Variants in TTC7A observed in about 807,000 individuals in gnomAD.
TTC7A encodes the protein tetratricopeptide repeat domain 7A, also known as tetratricopeptide repeat protein 7A.
Under a neutral mutation model 103.7 loss-of-function variants are expected in TTC7A, and 110 were observed. The observed-to-expected ratio is 1.06, with a 90% CI of 0.91 to 1.24. TTC7A has a LOEUF of 1.24. Among genes scored for constraint, TTC7A ranks in the 50% most tolerant of loss-of-function variants. The pLI is 0.00. For missense variants in TTC7A, 1,340 were observed against 1,116.3 expected (o/e 1.20, Z -2.86); for synonymous variants, 521 against 467.9 (o/e 1.11, Z -1.47).
At position 47,073,762 on chromosome 2, in the gene TTC7A, G is replaced by C. The variant is rs777208348; in HGVS notation, c.2416G>C (p.Val806Leu). ...SLAQKVLRDA[V>L]ERQSTCHEAW... is the part of the protein sequence containing the mutation. ...GGCCCAGAAGGTGCTTCGTGATGCC[G>C]TGGAGAGGCAGAGTACGTGCCACGA... is the stretch of plus-strand genomic sequence containing the variant. Residue 806 changes from valine (V) to leucine (L), a missense_variant, in exon 20 of 20, where the codon GTG becomes CTG. Physicochemically the swap from Val to Leu is conservative, Grantham distance 32 (BLOSUM62 1). Coordinates refer to ENST00000319190, the MANE Select transcript of TTC7A (RefSeq NM_020458.4). The C allele has an allele frequency of 6.2e-7, 1 of 1,613,876 alleles. No individual in the cohort carries two copies. Among genetic ancestry groups the C allele is most frequent in the Admixed American group, 1.7e-5 (1 of 60,036 alleles).
chr2:46,986,550 G>T (rs1675032944), intron 5 of TTC7A, among the ~76,000 whole-genome samples: 1 of 152,164 alleles, frequency 6.6e-6, no homozygotes, highest in South Asian at 2.1e-4. Context: ...GCTGCCTGGG[G>T]TGGGGTGGAC....
At position 47,056,871 on chromosome 2, in the gene TTC7A, G is replaced by A. The variant is rs145518969; in HGVS notation, c.2153-3898G>A. ...AATGGAGGGGCCCCTTGACGCTGAG[G>A]GTGCAGCAGGGGCACCGTGTGCCCA... On this transcript the variant is annotated intron_variant, in intron 18 of 19. Transcript: ENST00000319190. Among the ~76,000 whole-genome samples, 1,262 of 151,584 alleles carry A rather than the reference G, an allele frequency of 8.3e-3. 22 individuals carry two copies. The highest frequency in any genetic ancestry group is 0.029 in the African/African-American group (1,206 of 41,134).
At chr2:47,037,174 T>A (rs1681207492) in intron 15 of TTC7A, among the ~76,000 whole-genome samples, 1 of 150,546 alleles carries the variant, frequency 6.6e-6, no homozygotes, top group South Asian at 2.1e-4. Flanking sequence ...AACCACTCAT[T>A]TGAGTACCAG....
chr2:47,066,135 C>T (rs918925348), intron 19 of TTC7A: 1 of 152,226 alleles, frequency 6.6e-6, no homozygotes, highest in African/African-American at 2.4e-5. Flanking sequence ...TCCCCAAATG[C>T]CCCTGGAAAG....
At chr2:47,000,284 C>T (rs1165432505) in intron 8 of TTC7A, among the ~76,000 whole-genome samples, 1 of 150,010 alleles carries the variant, frequency 6.7e-6, no homozygotes, top group East Asian at 1.9e-4. Context: ...GCTTCCTGGG[C>T]TTGATTCCAT....
intron 8 of TTC7A, among the ~76,000 whole-genome samples, chr2:46,998,643 T>C (rs1314205981): frequency 6.6e-6 from 1 of 152,224 alleles, no homozygotes; most frequent in African/African-American, 2.4e-5. Flanking sequence ...GAATGCATTA[T>C]GCTGCAGTGA....
intron 2 of TTC7A, 58 bp downstream of exon 2, chr2:46,950,584 C>T: frequency 6.4e-7 from 1 of 1,562,286 alleles, no homozygotes; most frequent in South Asian, 1.1e-5. Flanking sequence ...TGCCTCGCAT[C>T]TGTCCAGTCC....
intron 11 of TTC7A, among the ~76,000 whole-genome samples, chr2:47,016,091 TG>T (rs1275049117): frequency 6.6e-6 from 1 of 152,108 alleles, no homozygotes; most frequent in East Asian, 1.9e-4. Context: ...ACCCTTGAAA[TG>T]GAAGGCAGTC....
intron 2 of TTC7A, among the ~76,000 whole-genome samples, chr2:46,927,354 GA>G (rs1291784308): frequency 3.8e-4 from 55 of 144,280 alleles, no homozygotes; most frequent in Non-Finnish European, 6.7e-4. Context: ...GAGAAAAAAA[GA>G]TTTTTTTTTT....
chr2:47,009,543 G>A (rs1470494238), intron 10 of TTC7A, among the ~76,000 whole-genome samples: 3 of 152,154 alleles, frequency 2.0e-5, no homozygotes, highest in Non-Finnish European at 4.4e-5. Context: ...CTTAGATGGC[G>A]GGGAAAAGGG....
At chr2:47,069,786 G>A (rs1684506677) in intron 19 of TTC7A, among the ~76,000 whole-genome samples, 1 of 152,194 alleles carries the variant, frequency 6.6e-6, no homozygotes, top group Non-Finnish European at 1.5e-5. Context: ...TATGTTCCAG[G>A]GTGGCGTTAG....
chr2:47,005,892 A>G, intron 8 of TTC7A, 30 bp from the exon 9 acceptor site: 1 of 1,612,934 alleles, frequency 6.2e-7, no homozygotes, highest in South Asian at 1.1e-5. Flanking sequence ...TACTCTCCTC[A>G]CTCTTTCCCA....
intron 15 of TTC7A, among the ~76,000 whole-genome samples, chr2:47,037,297 C>T (rs1681222240): frequency 6.6e-6 from 1 of 152,180 alleles, no homozygotes; most frequent in South Asian, 2.1e-4. Flanking sequence ...GGTAGGGAAA[C>T]CCCCACTAAG....
chr2:47,024,421 C>A, intron 14 of TTC7A, 62 bp downstream of exon 14: 7 of 1,432,550 alleles, frequency 4.9e-6, no homozygotes, highest in Non-Finnish European at 6.7e-6. Flanking sequence ...TCCTGGAAAC[C>A]CAGCTTACCA....
At chr2:46,950,678 C>A in intron 2 of TTC7A, 152 bp downstream of exon 2, 2 of 746,430 alleles carry the variant, frequency 2.7e-6, no homozygotes, top group Non-Finnish European at 4.3e-6. Flanking sequence ...CTGCACATGG[C>A]CCCTTGAGCA....
chr2:47,050,156 C>A, intron 17 of TTC7A, 110 bp downstream of exon 17: 1 of 918,280 alleles, frequency 1.1e-6, no homozygotes, highest in Non-Finnish European at 1.7e-6. Flanking sequence ...CGGGCCAAGC[C>A]CACCACTGGC....
intron 15 of TTC7A, among the ~76,000 whole-genome samples, chr2:47,045,165 G>T (rs911576535): frequency 1.3e-5 from 2 of 152,246 alleles, no homozygotes; most frequent in Non-Finnish European, 2.9e-5. Flanking sequence ...CTGCCGTCTG[G>T]CCCTCGGTGG....
chr2:46,989,633 T>C (rs1207898511), intron 5 of TTC7A, among the ~76,000 whole-genome samples: 5 of 149,170 alleles, frequency 3.4e-5, no homozygotes, highest in Middle Eastern at 3.2e-3. Context: ...TTTTTTTTTT[T>C]CTTGAAGGAC....
Position 46,956,969 on chromosome 2 carries a change from A to G in TTC7A, c.479A>G (p.Tyr160Cys), listed in dbSNP as rs1418809187. 1.9e-6 allele frequency: 3 copies of G among 1,614,040 alleles called. No homozygotes were observed. Among genetic ancestry groups the G allele is most frequent in the African/African-American group, 2.7e-5 (2 of 74,924 alleles). Residue 160 changes from tyrosine to cysteine, a missense_variant, in exon 3 of 20, where the codon TAT becomes TGT. Tyr to Cys is a radical substitution (Grantham distance 194). Coordinates refer to ENST00000319190, the MANE Select transcript of TTC7A (RefSeq NM_020458.4). ...DDMSMENKPL[Y>C]QMRLLSEAFV... Reference sequence around the variant, plus strand: ...ATGTCCATGGAGAACAAGCCCCTGTATCAGATGCGGCTGCTGTCGGAGGCT... The same window carrying G: ...ATGTCCATGGAGAACAAGCCCCTGTGTCAGATGCGGCTGCTGTCGGAGGCT...
Sources: allele counts gnomAD v4.1 joint callset (sites outside exome capture counted in the v4.1 genomes callset), GRCh38; gene constraint gnomAD v4.1.1; transcripts MANE v1.5; gene names NCBI Gene and HGNC (gene_info 2026-07-23, HGNC 2026-07-21).